The following HYLS1 variants were observed in gnomAD, a reference collection of about 807,000 sequenced individuals.
HYLS1 encodes the protein HYLS1 centriolar and ciliogenesis associated, also known as centriolar and ciliogenesis-associated protein HYLS1.
Under a neutral mutation model 29.4 loss-of-function variants are expected in HYLS1, and 25 were observed. The ratio of observed to expected loss-of-function variants is 0.85; its 90% CI spans 0.62 to 1.19. The LOEUF (loss-of-function observed/expected upper bound fraction) is 1.19, where lower values mean the gene tolerates loss of function less well. Among genes scored for constraint, HYLS1 ranks in the 50% most tolerant of loss-of-function variants. The pLI is 0.00. For synonymous variants in HYLS1, 128 were observed against 126.7 expected (o/e 1.01, Z -0.07); for missense variants, 352 against 365.1 (o/e 0.96, Z 0.29).
chr11:125,892,313 T>C (rs1165087112), intron 2 of HYLS1, among the ~76,000 whole-genome samples: 1 of 152,240 alleles, frequency 6.6e-6, no homozygotes, highest in African/African-American at 2.4e-5. Flanking sequence ...ACACTCACTT[T>C]AGTAATGAAA....
upstream of HYLS1, among the ~76,000 whole-genome samples, chr11:125,886,601 T>A (rs1273697961): frequency 9.2e-6 from 1 of 108,622 alleles, no homozygotes; most frequent in Admixed American, 1.0e-4. Flanking sequence ...TTTTTTTTTT[T>A]ACAGGTACAG....
intron 2 of HYLS1, among the ~76,000 whole-genome samples, chr11:125,898,229 T>A (rs1274253369): frequency 6.6e-6 from 1 of 152,080 alleles, no homozygotes; most frequent in Non-Finnish European, 1.5e-5. Context: ...GTTTTTCAGT[T>A]TAAAAAGAAA....
chr11:125,889,813 A>C (rs976316044), intron 1 of HYLS1, among the ~76,000 whole-genome samples: 4 of 152,220 alleles, frequency 2.6e-5, no homozygotes, highest in African/African-American at 9.7e-5. Flanking sequence ...AGGGCATAAT[A>C]AGGATGCTTG....
chr11:125,885,427 G>A (rs1944289048), upstream of HYLS1, among the ~76,000 whole-genome samples: 1 of 151,866 alleles, frequency 6.6e-6, no homozygotes, highest in Non-Finnish European at 1.5e-5. Flanking sequence ...CCCCAGCCTG[G>A]GCTACAGAGA....
At chr11:125,887,138 C>T (rs1944318617), upstream of HYLS1, 2 of 152,548 alleles carry the variant, frequency 1.3e-5, 1 homozygote, top group South Asian at 4.1e-4. Context: ...TTCATACAGC[C>T]GCTCTCTCAG....
Position 125,900,166 on chromosome 11 carries a change from A to C in HYLS1, c.798A>C (p.Val266=). The C allele has an allele frequency of 6.2e-7, 1 of 1,614,196 alleles. No individual in the cohort carries two copies. The highest frequency in any genetic ancestry group is 8.5e-7 in the Non-Finnish European group (1 of 1,180,030). ...QHIYVPNNYL[V]PTEKKRSALR... ...TATATGTCCCAAACAATTATCTAGT[A>C]CCAACAGAGAAGAAAAGGTCTGCAC... Residue 266 remains valine (V), a synonymous_variant, in exon 3 of 3, where the codon GTA becomes GTC. Coordinates refer to ENST00000425380, the MANE Select transcript of HYLS1 (RefSeq NM_001134793.2).
chr11:125,887,751 A>C lies in HYLS1; in HGVS notation c.-90A>C, dbSNP rs1944332173. ...TGGCAGGACGCGGTGCAGAGAGCGG[A>C]CTTCCGCGACGCGGGTAAGCCGGGC... On this transcript the variant is annotated 5_prime_UTR_variant, in exon 1 of 3. Transcript: ENST00000425380. 1 of 152,284 alleles carries C rather than the reference A, an allele frequency of 6.6e-6. No homozygotes were observed. Among genetic ancestry groups the C allele is most frequent in the Admixed American group, 6.5e-5 (1 of 15,292 alleles). 9.4% of individuals were successfully genotyped at this position (152,284 alleles called of 1,614,324 possible).
In HYLS1 at chr11:125,900,051, T is replaced by G. The variant is rs778576929; in HGVS notation, c.683T>G (p.Leu228Ter). The change falls in exon 3 of 3, where the codon TTA (leucine) becomes TGA (stop). Residue 228 changes from leucine to a stop codon, truncating the protein, a stop_gained. Transcript: ENST00000425380. LOFTEE classifies it high-confidence loss of function. ...AAACGGGACTGGGACTCAATACGTTTACCTGGTGAAGATCATAGAAAGGAA... is the reference window on the plus strand; with the variant it reads ...AAACGGGACTGGGACTCAATACGTTGACCTGGTGAAGATCATAGAAAGGAA... ...EYKRDWDSIR[L>*]PGEDHRKELR... The G allele has an allele frequency of 6.2e-7, 1 of 1,614,210 alleles. No homozygotes were observed. Among genetic ancestry groups the G allele is most frequent in the Non-Finnish European group, 8.5e-7 (1 of 1,180,046 alleles).
intron 2 of HYLS1, chr11:125,894,276 C>G (rs1944508064): frequency 6.2e-7 from 1 of 1,605,210 alleles, no homozygotes; most frequent in Non-Finnish European, 8.5e-7. Context: ...AGAGGAAATT[C>G]TACAGCCATA....
At chr11:125,893,872 A>T in intron 2 of HYLS1, 1 of 1,614,114 alleles carries the variant, frequency 6.2e-7, no homozygotes, top group Non-Finnish European at 8.5e-7. Flanking sequence ...GTGTGTCATT[A>T]CAGTCCCTTT....
intron 2 of HYLS1, chr11:125,895,842 C>G: frequency 6.3e-7 from 1 of 1,583,132 alleles, no homozygotes; most frequent in Non-Finnish European, 8.6e-7. Context: ...AATCTCAGTA[C>G]TCAGTGTGTA....
intron 2 of HYLS1, chr11:125,895,978 C>G (rs1466951534): frequency 6.2e-7 from 1 of 1,614,178 alleles, no homozygotes; most frequent in Non-Finnish European, 8.5e-7. Context: ...CTGCTTTCTA[C>G]TAGTCGAGTC....
chr11:125,893,688 A>G (rs1591497577), intron 2 of HYLS1: 1 of 877,282 alleles, frequency 1.1e-6, no homozygotes, highest in East Asian at 2.8e-5. Context: ...AGAGCTGATC[A>G]TCTGAATTCC....
upstream of HYLS1, chr11:125,887,138 C>G (rs1944318617): frequency 6.6e-6 from 1 of 152,548 alleles, no homozygotes; most frequent in Admixed American, 6.5e-5. Flanking sequence ...TTCATACAGC[C>G]GCTCTCTCAG....
Position 125,895,384 on chromosome 11 carries a change from A to G in HYLS1, c.-26+3912A>G, listed in dbSNP as rs371313206. The G allele has an allele frequency of 4.3e-6, 7 of 1,614,044 alleles. No homozygotes were observed. In the African/African-American group the frequency reaches 8.0e-5, roughly 18 times the overall value. On this transcript the variant is annotated intron_variant, in intron 2 of 2. Coordinates refer to ENST00000425380, the MANE Select transcript of HYLS1 (RefSeq NM_001134793.2). ...GTCACTTCAAACTGACATAACTGGAAAGGTTCTTGCCATCTCCCCTCACCT... is the reference window on the plus strand; with the variant it reads ...GTCACTTCAAACTGACATAACTGGAGAGGTTCTTGCCATCTCCCCTCACCT...
At chr11:125,886,316 G>C (rs949984691), upstream of HYLS1, among the ~76,000 whole-genome samples, 8 of 152,164 alleles carry the variant, frequency 5.3e-5, no homozygotes, top group Non-Finnish European at 1.0e-4. Flanking sequence ...GAGGCAAAGA[G>C]GGAGAGTAAG....
upstream of HYLS1, among the ~76,000 whole-genome samples, chr11:125,886,508 T>C (rs1944307176): frequency 6.6e-6 from 1 of 151,180 alleles, no homozygotes; most frequent in Non-Finnish European, 1.5e-5. Flanking sequence ...ACTAGGATAT[T>C]GAACCCTGAG....
At chr11:125,893,070 A>G (rs1290999449) in intron 2 of HYLS1, among the ~76,000 whole-genome samples, 3 of 152,188 alleles carry the variant, frequency 2.0e-5, no homozygotes, top group Admixed American at 1.3e-4. Flanking sequence ...TCTAGCTTCA[A>G]TATCTCCTCT....
intron 2 of HYLS1, chr11:125,895,131 C>T (rs1944539156): frequency 2.0e-6 from 2 of 1,000,590 alleles, no homozygotes; most frequent in African/African-American, 1.6e-5. Context: ...AGTGCAACCT[C>T]CGCCTCCTGG....
Sources: allele counts gnomAD v4.1 joint callset (sites outside exome capture counted in the v4.1 genomes callset), GRCh38; gene constraint gnomAD v4.1.1; transcripts MANE v1.5; gene names NCBI Gene and HGNC (gene_info 2026-07-23, HGNC 2026-07-21).